Variants in NTRK2 observed in about 807,000 individuals in gnomAD.
The protein encoded by NTRK2 is BDNF/NT-3 growth factors receptor.
A neutral mutation model predicts 94.5 loss-of-function variants in NTRK2; 13 were observed. That is an observed-to-expected ratio of 0.14 (90% CI 0.09 to 0.22). The LOEUF (loss-of-function observed/expected upper bound fraction) is 0.22, where lower values mean the gene tolerates loss of function less well. Among genes scored for constraint, NTRK2 ranks in the 10% least tolerant of loss-of-function variants. NTRK2 has a pLI of 1.00. For synonymous variants in NTRK2, 372 were observed against 407.4 expected (o/e 0.91, Z 1.05); for missense variants, 639 against 1,071.2 (o/e 0.60, Z 5.63).
At chr9:84,765,978 G>C (rs994383513) in intron 12 of NTRK2, among the ~76,000 whole-genome samples, 6 of 152,036 alleles carry the variant, frequency 3.9e-5, no homozygotes, top group African/African-American at 1.4e-4. Flanking sequence ...TATTGGGTAG[G>C]ACTATCCAGT....
At chr9:84,762,475 C>A (rs890785832) in intron 12 of NTRK2, among the ~76,000 whole-genome samples, 1 of 152,176 alleles carries the variant, frequency 6.6e-6, no homozygotes, top group African/African-American at 2.4e-5. Flanking sequence ...GTGTTATTTA[C>A]TTGTAGCCTT....
intron 14 of NTRK2, among the ~76,000 whole-genome samples, chr9:84,904,023 C>T (rs1454484200): frequency 6.6e-6 from 1 of 152,180 alleles, no homozygotes; most frequent in Non-Finnish European, 1.5e-5. Flanking sequence ...CTTCTGAACA[C>T]CTTCTTCTTT....
rs184887714 is a variant in NTRK2, at chr9:84,804,239, A to T, written c.1396+52154A>T. Among the ~76,000 whole-genome samples the T allele has an allele frequency of 1.6e-4, 25 of 152,232 alleles. No homozygotes were observed. In the East Asian group the frequency reaches 4.4e-3, roughly 27 times the overall value. ...CAATAATTGTGTTCAGTCTCTGAAC[A>T]TGCTTGAGGGGTCTGAGGCGCATCA... On this transcript the variant is annotated intron_variant, in intron 12 of 18. Coordinates refer to ENST00000277120, the MANE Select transcript of NTRK2 (RefSeq NM_006180.6).
chr9:84,809,489 A>C (rs1347004044), intron 12 of NTRK2, among the ~76,000 whole-genome samples: 2 of 150,340 alleles, frequency 1.3e-5, no homozygotes, highest in Admixed American at 1.3e-4. Flanking sequence ...GTTGTATGCT[A>C]TATAAGTTAT....
chr9:84,701,948 G>A (rs1370399422), intron 2 of NTRK2, among the ~76,000 whole-genome samples: 8 of 152,210 alleles, frequency 5.3e-5, no homozygotes, highest in African/African-American at 1.4e-4. Flanking sequence ...ATGAAACCCA[G>A]TGCAAGGGTT....
intron 17 of NTRK2, among the ~76,000 whole-genome samples, chr9:84,971,410 A>C (rs1314670727): frequency 6.6e-6 from 1 of 152,202 alleles, no homozygotes; most frequent in Non-Finnish European, 1.5e-5. Flanking sequence ...GGCTATGAGA[A>C]TCTGTAATAA....
intron 17 of NTRK2, among the ~76,000 whole-genome samples, chr9:84,975,076 T>G (rs1003685441): frequency 6.6e-6 from 1 of 151,788 alleles, no homozygotes; most frequent in Non-Finnish European, 1.5e-5. Context: ...GGCGGCACCC[T>G]CCCCCGGGGG....
At chr9:84,893,748 G>A (rs1224165741) in intron 14 of NTRK2, among the ~76,000 whole-genome samples, 1 of 152,242 alleles carries the variant, frequency 6.6e-6, no homozygotes, top group East Asian at 1.9e-4. Context: ...GGAGAATGGT[G>A]TGTATCGCTG....
chr9:84,844,684 C>G (rs1017201226), intron 12 of NTRK2, among the ~76,000 whole-genome samples: 2 of 151,576 alleles, frequency 1.3e-5, no homozygotes, highest in East Asian at 1.9e-4. Context: ...CACACACACA[C>G]ACACACACAC....
intron 17 of NTRK2, among the ~76,000 whole-genome samples, chr9:84,972,633 T>G (rs2133151634): frequency 6.6e-6 from 1 of 152,366 alleles, no homozygotes; most frequent in Admixed American, 6.5e-5. Context: ...GATGTGTTTT[T>G]GGGGTTTAGC....
chr9:84,771,125 CAG>C (rs1160247579), intron 12 of NTRK2, among the ~76,000 whole-genome samples: 1 of 152,128 alleles, frequency 6.6e-6, no homozygotes, highest in Non-Finnish European at 1.5e-5. Flanking sequence ...TTGTTGTATA[CAG>C]AGAGACTTTT....
chr9:84,845,339 G>C (rs1050913527), intron 12 of NTRK2, among the ~76,000 whole-genome samples: 12 of 151,670 alleles, frequency 7.9e-5, no homozygotes, highest in Admixed American at 2.0e-4. Context: ...GCTTCTATTT[G>C]TTTCTGCCCA....
chr9:84,957,533 A>G (rs1020513441), intron 17 of NTRK2, among the ~76,000 whole-genome samples: 2 of 152,218 alleles, frequency 1.3e-5, no homozygotes, highest in Non-Finnish European at 2.9e-5. Context: ...TTTAGGGAAA[A>G]TGCAAAGAAA....
intron 17 of NTRK2, among the ~76,000 whole-genome samples, chr9:85,007,489 G>T (rs1831101107): frequency 6.6e-6 from 1 of 152,174 alleles, no homozygotes; most frequent in Non-Finnish European, 1.5e-5. Flanking sequence ...TATTAACTGT[G>T]AATTGGAAAA....
chr9:84,986,162 C>T (rs1828263667), intron 17 of NTRK2, among the ~76,000 whole-genome samples: 1 of 152,226 alleles, frequency 6.6e-6, no homozygotes, highest in Non-Finnish European at 1.5e-5. Context: ...AGCCCCCAAA[C>T]CGTGTGATGT....
chr9:85,019,006 C>T, intron 17 of NTRK2, among the ~76,000 whole-genome samples: 1 of 152,144 alleles, frequency 6.6e-6, no homozygotes, highest in East Asian at 1.9e-4. Flanking sequence ...AATATCCTCC[C>T]CCTTTTGTAC....
chr9:84,770,153 A>AACACACAC (rs35363257), intron 12 of NTRK2, among the ~76,000 whole-genome samples: 7,401 of 136,864 alleles, frequency 0.054, 198 homozygotes, highest in Middle Eastern at 0.11. Flanking sequence ...TGTGCATGAG[A>AACACACAC]ACACACACAC....
chr9:84,933,045 T>TA lies in NTRK2; in HGVS notation c.1634-1116dup, dbSNP rs566735726. 9.2e-5 allele frequency among the ~76,000 whole-genome samples: 14 copies of TA among 152,310 alleles called. No homozygotes were observed. The East Asian group carries it at 2.3e-3, about 25-fold the overall frequency. On this transcript the variant is annotated intron_variant, in intron 14 of 18. Coordinates refer to ENST00000277120, the MANE Select transcript of NTRK2 (RefSeq NM_006180.6). ...TGGAAATTCCTGCAGACTGTTTTCC[T>TA]ACTTGTAAAATGCAGAGAGGATTAT... is the stretch of plus-strand genomic sequence containing the variant.
chr9:84,760,427 C>T (rs952224033), intron 12 of NTRK2, among the ~76,000 whole-genome samples: 1 of 152,002 alleles, frequency 6.6e-6, no homozygotes, highest in East Asian at 1.9e-4. Context: ...AGAAAAATGT[C>T]GCAAATGTAA....
Sources: allele counts gnomAD v4.1 joint callset (sites outside exome capture counted in the v4.1 genomes callset), GRCh38; gene constraint gnomAD v4.1.1; transcripts MANE v1.5; gene names NCBI Gene and HGNC (gene_info 2026-07-23, HGNC 2026-07-21).